Variants in PAPPA observed in about 807,000 individuals in gnomAD.
PAPPA encodes pappalysin 1, also known as pappalysin-1.
In PAPPA, 60 loss-of-function variants were observed where a neutral mutation model predicts 164.0. The observed-to-expected ratio is 0.37, with a 90% CI of 0.30 to 0.45. The LOEUF (loss-of-function observed/expected upper bound fraction) is 0.45, where lower values mean the gene tolerates loss of function less well. PAPPA is among the 20% of genes least tolerant of loss of function. The pLI is 1.00. For missense variants in PAPPA, 1,782 were observed against 2,087.3 expected, an observed-to-expected ratio of 0.85 and a Z score of 2.85; for synonymous variants, 875 against 814.1, an observed-to-expected ratio of 1.07 and a Z score of -1.27.
chr9:116,208,663 C>G (rs1844268016), intron 3 of PAPPA, among the ~76,000 whole-genome samples: 1 of 152,208 alleles, frequency 6.6e-6, no homozygotes, highest in Non-Finnish European at 1.5e-5. Context: ...CTCAGGCCTG[C>G]CTGGTCTCCT....
chr9:116,265,331 G>A (rs1845053465), intron 7 of PAPPA, among the ~76,000 whole-genome samples: 1 of 152,114 alleles, frequency 6.6e-6, no homozygotes, highest in Non-Finnish European at 1.5e-5. Context: ...AAAGAAATAG[G>A]GAGAAGCAAG....
At chr9:116,372,788 T>A (rs1432073956) in intron 19 of PAPPA, among the ~76,000 whole-genome samples, 2 of 152,190 alleles carry the variant, frequency 1.3e-5, no homozygotes, top group African/African-American at 4.8e-5. Context: ...ATTGACTATC[T>A]CTAATATGTA....
chr9:116,181,920 C>T (rs1843910097), intron 1 of PAPPA, among the ~76,000 whole-genome samples: 1 of 152,230 alleles, frequency 6.6e-6, no homozygotes, highest in African/African-American at 2.4e-5. Flanking sequence ...AGACAGCAGC[C>T]TCCTGGCTTT....
chr9:116,204,967 T>A (rs1167461502), intron 2 of PAPPA, among the ~76,000 whole-genome samples: 1 of 152,058 alleles, frequency 6.6e-6, no homozygotes, highest in Non-Finnish European at 1.5e-5. Flanking sequence ...TCCCAAAGAT[T>A]TTCCCCCTGA....
At chr9:116,179,161 G>A (rs910530825) in intron 1 of PAPPA, among the ~76,000 whole-genome samples, 1 of 152,170 alleles carries the variant, frequency 6.6e-6, no homozygotes, top group Non-Finnish European at 1.5e-5. Context: ...GTACATGTGG[G>A]AAAACTAAGG....
At chr9:116,177,324 G>A (rs1843849057) in intron 1 of PAPPA, among the ~76,000 whole-genome samples, 2 of 152,168 alleles carry the variant, frequency 1.3e-5, no homozygotes, top group Non-Finnish European at 2.9e-5. Flanking sequence ...TGTCCACTGT[G>A]CTTTCACTCA....
intron 7 of PAPPA, among the ~76,000 whole-genome samples, chr9:116,245,927 C>T (rs762237643): frequency 1.3e-3 from 203 of 152,266 alleles, no homozygotes; most frequent in Non-Finnish European, 2.2e-3. Flanking sequence ...CTATCTCATC[C>T]ACCATATTTT....
chr9:116,313,399 G>A (rs952432749), intron 10 of PAPPA, among the ~76,000 whole-genome samples: 2 of 152,182 alleles, frequency 1.3e-5, no homozygotes, highest in Non-Finnish European at 2.9e-5. Context: ...GAGGCCCCTG[G>A]GGAAGTCACA....
At chr9:116,248,299 G>C (rs888413598) in intron 7 of PAPPA, among the ~76,000 whole-genome samples, 1 of 152,218 alleles carries the variant, frequency 6.6e-6, no homozygotes, top group African/African-American at 2.4e-5. Flanking sequence ...CTGGATTCTA[G>C]TACTGGTATC....
At chr9:116,178,635 C>T (rs1843865068) in intron 1 of PAPPA, among the ~76,000 whole-genome samples, 1 of 152,220 alleles carries the variant, frequency 6.6e-6, no homozygotes, top group African/African-American at 2.4e-5. Context: ...AGATCAGCCT[C>T]ACACCACTGT....
rs962636948 is a variant in PAPPA, at chr9:116,207,573, A to G, written c.1596A>G (p.Pro532=). The G allele has an allele frequency of 1.2e-6, 2 of 1,613,664 alleles. No homozygotes were observed. Among genetic ancestry groups the G allele is most frequent in the African/African-American group, 1.3e-5 (1 of 75,024 alleles). The change falls in exon 3 of 22, where the codon CCA becomes CCG. Residue 532 remains proline (P), a synonymous_variant. Transcript: ENST00000328252. The part of the protein sequence containing the change: ...EEELAGVATW[P]WDKEALMHLG... ...AGTTGGCAGGAGTAGCAACTTGGCC[A>G]TGGGACAAGGAGGCCCTGATGCACT...
Position 116,302,614 on chromosome 9 carries a change from G to A in PAPPA, c.2954-143G>A, listed in dbSNP as rs1845592594. On this transcript the variant is annotated intron_variant, in intron 9 of 21. Coordinates refer to ENST00000328252, the MANE Select transcript of PAPPA (RefSeq NM_002581.5). The stretch of plus-strand genomic sequence containing the variant: ...ATTTCCTTCTTTTTTTTTCAAGACT[G>A]AGTAATAGTCCATCGTGACTAATGT... The A allele has an allele frequency of 1.0e-5, 6 of 579,526 alleles. No individual in the cohort carries two copies. The African/African-American group carries it at 1.1e-4, about 11-fold the overall frequency. The allele number at this position is 579,526 out of a possible 1,614,324, so 35.9% of individuals were successfully genotyped here.
At chr9:116,284,832 G>A (rs926805967) in intron 9 of PAPPA, among the ~76,000 whole-genome samples, 4 of 151,942 alleles carry the variant, frequency 2.6e-5, no homozygotes, top group South Asian at 2.1e-4. Context: ...TCTTGTCTGC[G>A]TCCAAATCAG....
chr9:116,370,528 A>G (rs1846559258), intron 19 of PAPPA, among the ~76,000 whole-genome samples: 1 of 151,792 alleles, frequency 6.6e-6, no homozygotes, highest in African/African-American at 2.4e-5. Flanking sequence ...CACAAACATT[A>G]GACTCTGCTT....
At chr9:116,213,114 C>A (rs2118688431) in intron 4 of PAPPA, among the ~76,000 whole-genome samples, 1 of 152,330 alleles carries the variant, frequency 6.6e-6, no homozygotes, top group African/African-American at 2.4e-5. Flanking sequence ...TGCTTCAGGG[C>A]AACTGCCCTG....
intron 4 of PAPPA, among the ~76,000 whole-genome samples, chr9:116,212,492 T>C (rs1209410872): frequency 1.4e-4 from 21 of 152,186 alleles, no homozygotes; most frequent in Non-Finnish European, 2.9e-5. Context: ...TCCTCAGGGC[T>C]GTCATAGCCC....
At chr9:116,386,828 G>GCCTT (rs1000544598) in intron 21 of PAPPA, among the ~76,000 whole-genome samples, 2 of 152,116 alleles carry the variant, frequency 1.3e-5, no homozygotes, top group Non-Finnish European at 2.9e-5. Flanking sequence ...AAGTCTCCCA[G>GCCTT]CCTTCCCATC....
intron 1 of PAPPA, among the ~76,000 whole-genome samples, chr9:116,175,162 A>T (rs974292777): frequency 6.6e-6 from 1 of 152,162 alleles, no homozygotes; most frequent in African/African-American, 2.4e-5. Flanking sequence ...ATAGATGGAA[A>T]CATCGAGGGC....
chr9:116,398,719 A>G lies in PAPPA; in HGVS notation c.*2103A>G. 2.2e-6 allele frequency: 1 copy of G among 462,530 alleles called. No homozygotes were observed. The highest frequency in any genetic ancestry group is 1.5e-5 in the South Asian group (1 of 64,616). 28.7% of individuals were successfully genotyped at this position (462,530 alleles called of 1,614,324 possible). A position where few individuals can be genotyped will look rare whatever the true frequency, so the allele number is the denominator to read the frequency against. On this transcript the variant is annotated 3_prime_UTR_variant, in exon 22 of 22. Coordinates refer to ENST00000328252, the MANE Select transcript of PAPPA (RefSeq NM_002581.5). ...CACAAACTCTGAAATTGGGTTCCATATTGGCAAGGCTGCCACAGTTGTTAA... is the reference window on the plus strand; with the variant it reads ...CACAAACTCTGAAATTGGGTTCCATGTTGGCAAGGCTGCCACAGTTGTTAA...
Sources: gnomAD v4.1 joint callset for allele counts (sites outside exome capture counted in the v4.1 genomes callset) on GRCh38, gnomAD v4.1.1 for gene constraint, MANE v1.5 for transcripts, NCBI Gene and HGNC (gene_info 2026-07-23, HGNC 2026-07-21) for gene names.